The following ABCB5 variants were observed in gnomAD, a reference collection of about 807,000 sequenced individuals.
ABCB5 encodes ATP binding cassette subfamily B member 5.
Under a neutral mutation model 144.2 loss-of-function variants are expected in ABCB5, and 155 were observed. That is an observed-to-expected ratio of 1.08 (90% CI 0.94 to 1.23). The LOEUF (loss-of-function observed/expected upper bound fraction) is 1.23. Ranked by LOEUF, ABCB5 falls within the 50% of genes most tolerant of loss-of-function variation. The pLI is 0.00. For missense variants in ABCB5, 1,830 were observed against 1,520.8 expected, an observed-to-expected ratio of 1.20 and a Z score of -3.38; for synonymous variants, 610 against 528.6, an observed-to-expected ratio of 1.15 and a Z score of -2.11.
At chr7:20,750,001 C>T (rs1002356714) in intron 26 of ABCB5, among the ~76,000 whole-genome samples, 1 of 152,090 alleles carries the variant, frequency 6.6e-6, no homozygotes, top group Admixed American at 6.6e-5. Context: ...AAAGCTGGCA[C>T]TTAAATCACA....
chr7:20,623,895 C>A (rs927877341), intron 2 of ABCB5, among the ~76,000 whole-genome samples: 1 of 152,144 alleles, frequency 6.6e-6, no homozygotes, highest in Admixed American at 6.5e-5. Flanking sequence ...TGGAGAAGAT[C>A]CCTCCAGGTC....
rs1782611862 is a variant in ABCB5 at position 20,743,052 on chromosome 7, A to G, written c.3200A>G (p.Tyr1067Cys). ...STSVQLLQRLYDPVQGQVLFD... is the reference protein window; with the variant it reads ...STSVQLLQRLCDPVQGQVLFD... Reference sequence around the variant, plus strand: ...TCTGTTCAACTTCTGCAGAGACTTTATGACCCCGTGCAAGGACAAGTGGTA... The same window carrying G: ...TCTGTTCAACTTCTGCAGAGACTTTGTGACCCCGTGCAAGGACAAGTGGTA... Residue 1067 changes from tyrosine (Y) to cysteine (C), a missense_variant, in exon 25 of 28, where the codon TAT becomes TGT. Tyr to Cys is a radical substitution (Grantham distance 194). Coordinates refer to ENST00000404938, the MANE Select transcript of ABCB5 (RefSeq NM_001163941.2). The G allele has an allele frequency of 6.2e-7, 1 of 1,613,954 alleles. No individual in the cohort carries two copies. Among genetic ancestry groups the G allele is most frequent in the Admixed American group, 1.7e-5 (1 of 59,992 alleles).
intron 19 of ABCB5, 62 bp from the exon 20 acceptor site, chr7:20,704,662 A>C: frequency 7.3e-7 from 1 of 1,373,888 alleles, no homozygotes; most frequent in South Asian, 1.2e-5. Context: ...CAGCAGAAAA[A>C]TCACAAGTCA....
intron 5 of ABCB5, 29 bp downstream of exon 5, chr7:20,632,142 A>T: frequency 1.4e-6 from 2 of 1,411,354 alleles, no homozygotes; most frequent in South Asian, 2.9e-5. Flanking sequence ...TTAATATCAC[A>T]TTCGTTGAAT....
chr7:20,626,335 C>T (rs891167100), intron 2 of ABCB5, among the ~76,000 whole-genome samples: 2 of 152,184 alleles, frequency 1.3e-5, no homozygotes, highest in African/African-American at 4.8e-5. Context: ...TTTACCACAA[C>T]TTTAAAAAAT....
At position 20,756,807 on chromosome 7, in the gene ABCB5, T is replaced by A. The variant is rs1431282391; in HGVS notation, c.*1183T>A. 1 of 152,314 alleles carries A rather than the reference T, an allele frequency of 6.6e-6. No individual in the cohort carries two copies. The highest frequency in any genetic ancestry group is 6.5e-5 in the Admixed American group (1 of 15,276). 9.4% of individuals were successfully genotyped at this position (152,314 alleles called of 1,614,324 possible). A position where few individuals can be genotyped will look rare whatever the true frequency, so the allele number is the denominator to read the frequency against. On this transcript the variant is annotated 3_prime_UTR_variant, in exon 28 of 28. Transcript: ENST00000404938. Reference sequence around the variant, plus strand: ...AACAATATTGGTAAAATGAGTTACATTTTCAACTTACTTAAATATGTAATG... The same window carrying A: ...AACAATATTGGTAAAATGAGTTACAATTTCAACTTACTTAAATATGTAATG...
intron 14 of ABCB5, among the ~76,000 whole-genome samples, chr7:20,675,224 C>T (rs530317425): frequency 6.6e-6 from 1 of 152,040 alleles, no homozygotes; most frequent in African/African-American, 2.4e-5. Flanking sequence ...GAAGGCATCA[C>T]ACTTCCTGAT....
At chr7:20,747,358 C>T (rs976610735) in intron 26 of ABCB5, among the ~76,000 whole-genome samples, 4 of 152,160 alleles carry the variant, frequency 2.6e-5, no homozygotes, top group African/African-American at 7.2e-5. Flanking sequence ...GCAGCCTCGA[C>T]CTCCCAGGCT....
At chr7:20,649,904 TC>T (rs1784525665) in intron 11 of ABCB5, 117 bp from the exon 12 acceptor site, 2 of 1,110,404 alleles carry the variant, frequency 1.8e-6, no homozygotes, top group Non-Finnish European at 2.5e-6. Flanking sequence ...CATAACAAGA[TC>T]TAAATTTGTT....
intron 20 of ABCB5, among the ~76,000 whole-genome samples, chr7:20,721,998 T>A (rs1401680673): frequency 6.6e-6 from 1 of 152,234 alleles, no homozygotes; most frequent in African/African-American, 2.4e-5. Context: ...ACTGGTACTT[T>A]GATGCTAGTA....
chr7:20,748,934 CTT>C (rs1362657436), intron 26 of ABCB5, among the ~76,000 whole-genome samples: 2 of 152,128 alleles, frequency 1.3e-5, no homozygotes, highest in African/African-American at 2.4e-5. Flanking sequence ...TTGTGTCACA[CTT>C]TGCTTTCTGA....
chr7:20,745,370 C>T lies in ABCB5; in HGVS notation c.3361C>T (p.Pro1121Ser), dbSNP rs1488086698. 2 of 1,614,094 alleles carry T rather than the reference C, an allele frequency of 1.2e-6. No individual in the cohort carries two copies. The highest frequency in any genetic ancestry group is 4.5e-5 in the East Asian group (2 of 44,868). The change falls in exon 26 of 28, where the codon CCA (proline) becomes TCA (serine). Residue 1121 changes from proline (P) to serine (S), a missense_variant. Physicochemically the swap from Pro to Ser is moderately conservative, Grantham distance 74. Coordinates refer to ENST00000404938, the MANE Select transcript of ABCB5 (RefSeq NM_001163941.2). ...CTATGGTGACAACAGCCGTGTGGTG[C>T]CATTAGATGAGATCAAAGAAGCCGC... The part of the protein sequence containing the change: ...IAYGDNSRVV[P>S]LDEIKEAANA...
At position 20,755,387 on chromosome 7, in the gene ABCB5, C is replaced by G. The variant is rs376416044; in HGVS notation, c.3577-40C>G. The G allele has an allele frequency of 1.1e-5, 17 of 1,593,430 alleles. No homozygotes were observed. In the African/African-American group the frequency reaches 1.6e-4, roughly 15 times the overall value. ...TTGACTTAGGTAAGTTTACTAACAT[C>G]TAACTCAAACTGGTGATCACAGGTC... On this transcript the variant is annotated intron_variant, in intron 27 of 27. Transcript: ENST00000404938.
chr7:20,649,900 A>G (rs1377854603), intron 11 of ABCB5, 122 bp from the exon 12 acceptor site: 1 of 1,068,912 alleles, frequency 9.4e-7, no homozygotes, highest in Non-Finnish European at 1.3e-6. Flanking sequence ...CAAACATAAC[A>G]AGATCTAAAT....
At chr7:20,737,443 T>A (rs1252482989) in intron 23 of ABCB5, among the ~76,000 whole-genome samples, 1 of 152,196 alleles carries the variant, frequency 6.6e-6, no homozygotes, top group East Asian at 1.9e-4. Flanking sequence ...CCTTCTCCCT[T>A]TCTCATTAAT....
chr7:20,690,071 A>G (rs1044610213), intron 16 of ABCB5, among the ~76,000 whole-genome samples: 1 of 152,204 alleles, frequency 6.6e-6, no homozygotes, highest in Admixed American at 6.5e-5. Flanking sequence ...ACAGTGGTTC[A>G]TGACCTATAG....
At chr7:20,623,361 A>G in intron 2 of ABCB5, 23 bp downstream of exon 2, 2 of 1,528,776 alleles carry the variant, frequency 1.3e-6, no homozygotes, top group South Asian at 1.2e-5. Context: ...TAAGTTCTGT[A>G]AGTATGCTTC....
Position 20,643,631 on chromosome 7 carries a change from G to A in ABCB5, c.677G>A (p.Arg226Lys), listed in dbSNP as rs757579249. 6.2e-7 allele frequency: 1 copy of A among 1,613,698 alleles called. No homozygotes were observed. Among genetic ancestry groups the A allele is most frequent in the Non-Finnish European group, 8.5e-7 (1 of 1,179,776 alleles). ...ATGGCTTCAGCGGCAGCATGTTCTA[G>A]GGTAAGTGAGATGGCTAATGCAATA... ...LIMASAAACS[R>K]MVISLTSKEL... Residue 226 changes from arginine (R) to lysine (K), a missense_variant and splice_region_variant, in exon 7 of 28, where the codon AGG becomes AAG. Transcript: ENST00000404938.
intron 26 of ABCB5, among the ~76,000 whole-genome samples, chr7:20,746,787 C>A (rs1015092565): frequency 7.2e-5 from 11 of 152,084 alleles, no homozygotes; most frequent in African/African-American, 2.7e-4. Context: ...CACATACACA[C>A]ACATAAAATA....
Sources: gnomAD v4.1 joint callset for allele counts (sites outside exome capture counted in the v4.1 genomes callset) on GRCh38, gnomAD v4.1.1 for gene constraint, MANE v1.5 for transcripts, NCBI Gene and HGNC (gene_info 2026-07-23, HGNC 2026-07-21) for gene names.